CTDP1: variants seen among roughly 807,000 people sequenced by gnomAD.
CTDP1 encodes the protein CTD phosphatase 1.
A neutral mutation model predicts 91.8 loss-of-function variants in CTDP1; 47 were observed. The observed-to-expected ratio is 0.51, with a 90% CI of 0.41 to 0.65. The LOEUF (loss-of-function observed/expected upper bound fraction) is 0.65, where lower values mean the gene tolerates loss of function less well. CTDP1 is among the 30% of genes least tolerant of loss of function. The pLI is 0.00. For synonymous variants in CTDP1, 656 were observed against 598.5 expected (o/e 1.10, Z -1.40); for missense variants, 1,272 against 1,373.7 (o/e 0.93, Z 1.17).
rs557654820 is a variant in CTDP1, at chr18:79,740,155, T to C, written c.2747+3634T>C. Among the ~76,000 whole-genome samples the C allele has an allele frequency of 8.4e-4, 111 of 132,264 alleles. 3 individuals are homozygous for C. The highest frequency in any genetic ancestry group is 2.4e-3 in the African/African-American group (79 of 33,178). 86.8% of individuals were successfully genotyped at this position (132,264 alleles called of 152,430 possible). On this transcript the variant is annotated intron_variant, in intron 12 of 12. Transcript: ENST00000613122. ...ACGGCCGGGACGGGTGGGACTCTCA[T>C]ACCCACGGCCGGGACGGGTGGGACT...
At chr18:79,732,136 G>A (rs142800020) in intron 11 of CTDP1, among the ~76,000 whole-genome samples, 31 of 150,020 alleles carry the variant, frequency 2.1e-4, no homozygotes, top group East Asian at 5.9e-4. Flanking sequence ...CCAAAATCAC[G>A]TGAGACATAA....
intron 3 of CTDP1, 35 bp from the exon 4 acceptor site, chr18:79,697,825 T>C (rs1431306635): frequency 3.1e-6 from 5 of 1,613,952 alleles, no homozygotes; most frequent in Non-Finnish European, 3.4e-6. Flanking sequence ...GCAAACATAC[T>C]GACTTTGTCA....
upstream of CTDP1, chr18:79,678,434 T>A (rs1372051201): frequency 3.9e-5 from 6 of 152,208 alleles, no homozygotes; most frequent in African/African-American, 1.2e-4. Flanking sequence ...CACAAACAAG[T>A]TCCTATTAGT....
At chr18:79,728,121 G>A (rs1599282739) in intron 10 of CTDP1, among the ~76,000 whole-genome samples, 1 of 151,850 alleles carries the variant, frequency 6.6e-6, no homozygotes, top group African/African-American at 2.4e-5. Flanking sequence ...TTTTTTTAAG[G>A]TGGAGTCTTG....
intron 1 of CTDP1, among the ~76,000 whole-genome samples, chr18:79,693,853 G>A (rs1185615253): frequency 2.1e-5 from 3 of 140,934 alleles, no homozygotes; most frequent in Non-Finnish European, 4.5e-5. Context: ...CCGCCCCTCC[G>A]AGTCTCCCTG....
chr18:79,718,786 C>T (rs577850877), intron 10 of CTDP1, among the ~76,000 whole-genome samples: 77 of 152,284 alleles, frequency 5.1e-4, no homozygotes, highest in African/African-American at 1.8e-3. Flanking sequence ...TTGACCCAGG[C>T]AAGGAGCACC....
intron 1 of CTDP1, among the ~76,000 whole-genome samples, chr18:79,692,456 C>T (rs2085645105): frequency 6.6e-6 from 1 of 152,170 alleles, no homozygotes; most frequent in Non-Finnish European, 1.5e-5. Flanking sequence ...TCTGAACTTC[C>T]ATATAAATTT....
In CTDP1 at chr18:79,717,689, T is replaced by G; in HGVS notation, c.2210+13T>G. 1.1e-5 allele frequency: 18 copies of G among 1,613,988 alleles called. No individual in the cohort carries two copies. The highest frequency in any genetic ancestry group is 1.5e-5 in the Non-Finnish European group (18 of 1,179,970). On this transcript the variant is annotated intron_variant, in intron 9 of 12. Coordinates refer to ENST00000613122, the MANE Select transcript of CTDP1 (RefSeq NM_004715.5). ...CCAAGGCACAGAGGTGGGTCCTCGC[T>G]GCACCCAGCAGGTCCGTGCCAGGCG... is the stretch of plus-strand genomic sequence containing the variant.
rs751718142 is a variant in CTDP1 at position 79,715,143 on chromosome 18, C to G, written c.1683C>G (p.Ser561Arg). ...AGGCGGAGACCGAGTCACAGAACAG[C>G]GAGCTGTCGGGGGTCACTGCGGGTG... is the stretch of plus-strand genomic sequence containing the variant. ...RKEAETESQN[S>R]ELSGVTAGES... The change falls in exon 8 of 13, where the codon AGC becomes AGG. Residue 561 changes from serine (S) to arginine (R), a missense_variant. Around this residue, in one of 3 missense-constraint regions of CTDP1, gnomAD observed 881 missense variants for 911.6 expected, o/e 0.97. Transcript: ENST00000613122. The G allele has an allele frequency of 1.2e-6, 2 of 1,613,536 alleles. No individual in the cohort carries two copies. The highest frequency in any genetic ancestry group is 2.2e-5 in the South Asian group (2 of 90,970).
intron 11 of CTDP1, among the ~76,000 whole-genome samples, chr18:79,730,957 C>G (rs2086553771): frequency 6.6e-6 from 1 of 152,242 alleles, no homozygotes; most frequent in Non-Finnish European, 1.5e-5. Flanking sequence ...TGGCCTGGCC[C>G]TGGCCTGACA....
upstream of CTDP1, chr18:79,678,113 C>T (rs1458816677): frequency 2.0e-5 from 3 of 152,236 alleles, no homozygotes; most frequent in South Asian, 6.2e-4. Context: ...GGCTAAAAGG[C>T]ACTGTGCCCC....
chr18:79,753,827 C>T lies in CTDP1; in HGVS notation c.*37C>T. Reference sequence around the variant, plus strand: ...GGGCAGGGACTGAAGCCTGACCGACCTCCAGCAGCACTCGGACGTCCCCGG... The same window carrying T: ...GGGCAGGGACTGAAGCCTGACCGACTTCCAGCAGCACTCGGACGTCCCCGG... On this transcript the variant is annotated 3_prime_UTR_variant, in exon 13 of 13. Coordinates refer to ENST00000613122, the MANE Select transcript of CTDP1 (RefSeq NM_004715.5). 2 of 1,606,966 alleles carry T rather than the reference C, an allele frequency of 1.2e-6. No homozygotes were observed. The highest frequency in any genetic ancestry group is 1.7e-6 in the Non-Finnish European group (2 of 1,177,690).
At chr18:79,706,631 A>G (rs1599235768) in intron 5 of CTDP1, among the ~76,000 whole-genome samples, 1 of 152,140 alleles carries the variant, frequency 6.6e-6, no homozygotes, top group African/African-American at 2.4e-5. Flanking sequence ...TTCTTTTCAC[A>G]TAAGATTTCA....
Position 79,753,744 on chromosome 18 carries a change from A to G in CTDP1, c.2840A>G (p.Asp947Gly). 2 of 1,613,912 alleles carry G rather than the reference A, an allele frequency of 1.2e-6. No individual in the cohort carries two copies. The highest frequency in any genetic ancestry group is 1.7e-6 in the Non-Finnish European group (2 of 1,179,982). Residue 947 changes from aspartate to glycine, a missense_variant, in exon 13 of 13, where the codon GAC becomes GGC. Around this residue, in one of 3 missense-constraint regions of CTDP1, gnomAD observed 881 missense variants for 911.6 expected, o/e 0.97. Coordinates refer to ENST00000613122, the MANE Select transcript of CTDP1 (RefSeq NM_004715.5). ...GATGAGGGCAGCAGCTCCGAGGCCG[A>G]CGAGATGGCCAAGGCGCTGGAGGCG... The part of the protein sequence containing the change: ...NEDEGSSSEA[D>G]EMAKALEAEL...
At chr18:79,734,513 G>T (rs948521673) in intron 11 of CTDP1, among the ~76,000 whole-genome samples, 1 of 151,980 alleles carries the variant, frequency 6.6e-6, no homozygotes, top group Non-Finnish European at 1.5e-5. Context: ...TAGCAGCACG[G>T]GGGCACGTGC....
intron 5 of CTDP1, among the ~76,000 whole-genome samples, chr18:79,706,524 C>T (rs907437446): frequency 6.6e-6 from 1 of 152,132 alleles, no homozygotes; most frequent in Admixed American, 6.5e-5. Context: ...ATTCCTCACG[C>T]TCATCATATC....
At chr18:79,707,567 C>T (rs533217092) in intron 5 of CTDP1, among the ~76,000 whole-genome samples, 82 of 152,366 alleles carry the variant, frequency 5.4e-4, no homozygotes, top group South Asian at 2.1e-4. Flanking sequence ...AGCATTCCAA[C>T]GTGTCCAAGG....
intron 4 of CTDP1, among the ~76,000 whole-genome samples, chr18:79,703,819 A>G (rs2085907666): frequency 6.6e-6 from 1 of 151,892 alleles, no homozygotes; most frequent in South Asian, 2.1e-4. Flanking sequence ...TAGTGTAGCT[A>G]TCATCGGTGG....
intron 2 of CTDP1, among the ~76,000 whole-genome samples, chr18:79,695,625 C>T (rs144885109): frequency 3.5e-4 from 54 of 152,310 alleles, no homozygotes; most frequent in African/African-American, 1.2e-3. Flanking sequence ...GGCCGCTGAG[C>T]GCCCCATGCT....
Sources: allele counts gnomAD v4.1 joint callset (sites outside exome capture counted in the v4.1 genomes callset), GRCh38; gene constraint gnomAD v4.1.1; regional missense constraint gnomAD v4.1.1; transcripts MANE v1.5; gene names NCBI Gene and HGNC (gene_info 2026-07-23, HGNC 2026-07-21).